Variants in UBE2E2 observed in about 807,000 individuals in gnomAD.
The protein encoded by UBE2E2 is ubiquitin-conjugating enzyme E2 E2.
Under a neutral mutation model 24.7 loss-of-function variants are expected in UBE2E2, and 6 were observed. The ratio of observed to expected loss-of-function variants is 0.24; its 90% CI spans 0.13 to 0.48. The LOEUF is 0.48. Among genes scored for constraint, UBE2E2 ranks in the 20% least tolerant of loss-of-function variants. UBE2E2 has a pLI of 0.99. For missense variants in UBE2E2, 169 were observed against 245.0 expected (o/e 0.69, Z 2.07); for synonymous variants, 104 against 83.6 (o/e 1.24, Z -1.33).
intron 3 of UBE2E2, among the ~76,000 whole-genome samples, chr3:23,268,091 G>T (rs1290485234): frequency 6.6e-6 from 1 of 151,450 alleles, no homozygotes; most frequent in Admixed American, 6.6e-5. Flanking sequence ...AAACCCACAG[G>T]CAATATCATA....
chr3:23,443,626 A>G (rs965476967), intron 3 of UBE2E2, among the ~76,000 whole-genome samples: 2 of 152,214 alleles, frequency 1.3e-5, no homozygotes, highest in Non-Finnish European at 2.9e-5. Context: ...CATAGAGTAC[A>G]AGGCAAGAAC....
intron 3 of UBE2E2, among the ~76,000 whole-genome samples, chr3:23,479,540 G>C (rs910719777): frequency 2.0e-5 from 3 of 152,070 alleles, no homozygotes; most frequent in Non-Finnish European, 4.4e-5. Context: ...GAGTTGGGGG[G>C]TAGGGGGGGT....
intron 3 of UBE2E2, among the ~76,000 whole-genome samples, chr3:23,262,628 A>G (rs1697934705): frequency 6.6e-6 from 1 of 150,932 alleles, no homozygotes. Context: ...TTTGCTATTG[A>G]GTTATATAAG....
At chr3:23,229,185 A>G (rs1575487525) in intron 3 of UBE2E2, among the ~76,000 whole-genome samples, 1 of 152,356 alleles carries the variant, frequency 6.6e-6, no homozygotes, top group South Asian at 2.1e-4. Context: ...GCTAACAGCT[A>G]TTGAATGTTT....
chr3:23,376,216 C>T lies in UBE2E2; in HGVS notation c.228-123392C>T, dbSNP rs1213363071. Among the ~76,000 whole-genome samples the T allele has an allele frequency of 2.0e-5, 3 of 152,136 alleles. No homozygotes were observed. In the East Asian group the frequency reaches 5.8e-4, roughly 29 times the overall value. On this transcript the variant is annotated intron_variant, in intron 3 of 5. Coordinates refer to ENST00000396703, the MANE Select transcript of UBE2E2 (RefSeq NM_152653.4). Reference sequence around the variant, plus strand: ...CTAACAGTATATATTGGGATACTTACCTGTTAAAATACAAGATAGATTGTG... The same window carrying T: ...CTAACAGTATATATTGGGATACTTATCTGTTAAAATACAAGATAGATTGTG...
At chr3:23,436,564 A>T (rs1446095528) in intron 3 of UBE2E2, among the ~76,000 whole-genome samples, 2 of 148,842 alleles carry the variant, frequency 1.3e-5, no homozygotes, top group African/African-American at 2.5e-5. Flanking sequence ...TTTACAGAAG[A>T]TTTTTTTTTT....
At chr3:23,220,637 C>G (rs1696606049) in intron 3 of UBE2E2, among the ~76,000 whole-genome samples, 1 of 152,172 alleles carries the variant, frequency 6.6e-6, no homozygotes, top group Admixed American at 6.6e-5. Context: ...CTTCACAGAT[C>G]CACTGATCAA....
intron 3 of UBE2E2, among the ~76,000 whole-genome samples, chr3:23,495,938 A>G (rs1474760219): frequency 6.6e-6 from 1 of 152,176 alleles, no homozygotes; most frequent in Non-Finnish European, 1.5e-5. Flanking sequence ...AAGAGAAATC[A>G]AACACTAGAA....
At chr3:23,444,149 A>G (rs907855941) in intron 3 of UBE2E2, among the ~76,000 whole-genome samples, 1 of 137,324 alleles carries the variant, frequency 7.3e-6, no homozygotes, top group African/African-American at 2.9e-5. Flanking sequence ...CTGAGCCCTT[A>G]GTTGCCTTGC....
intron 3 of UBE2E2, among the ~76,000 whole-genome samples, chr3:23,400,607 A>AAACAC (rs1553608471): frequency 2.2e-5 from 3 of 137,726 alleles, no homozygotes; most frequent in Admixed American, 7.2e-5. Context: ...GAATAAATGA[A>AAACAC]ACACACACAC....
chr3:23,534,393 C>G (rs1032364876), intron 5 of UBE2E2: 2 of 213,234 alleles, frequency 9.4e-6, no homozygotes, highest in African/African-American at 2.4e-5. Flanking sequence ...AAAAATCACT[C>G]CTAACTAAAG....
chr3:23,365,755 A>G (rs1359805177), intron 3 of UBE2E2, among the ~76,000 whole-genome samples: 1 of 152,224 alleles, frequency 6.6e-6, no homozygotes, highest in East Asian at 1.9e-4. Context: ...TAGAATTAGA[A>G]AAATTATTTT....
chr3:23,253,486 C>T (rs1413021081), intron 3 of UBE2E2, among the ~76,000 whole-genome samples: 2 of 152,164 alleles, frequency 1.3e-5, no homozygotes, highest in African/African-American at 4.8e-5. Flanking sequence ...GTACATAGTG[C>T]TGCTGAAACT....
chr3:23,492,262 T>A (rs1008914334), intron 3 of UBE2E2, among the ~76,000 whole-genome samples: 22 of 152,328 alleles, frequency 1.4e-4, no homozygotes, highest in African/African-American at 5.1e-4. Context: ...ATAGTTTGAA[T>A]GTGAACAATG....
At chr3:23,515,323 TGTGC>T (rs1694706413) in intron 4 of UBE2E2, among the ~76,000 whole-genome samples, 1 of 152,096 alleles carries the variant, frequency 6.6e-6, no homozygotes, top group Non-Finnish European at 1.5e-5. Context: ...CTCCTGCAGG[TGTGC>T]ACACACATGT....
At chr3:23,216,895 C>T (rs1356509987) in intron 2 of UBE2E2, among the ~76,000 whole-genome samples, 3 of 152,124 alleles carry the variant, frequency 2.0e-5, no homozygotes, top group Non-Finnish European at 2.9e-5. Context: ...TTGGATTTAA[C>T]TTAATATCAG....
At chr3:23,254,633 A>C (rs891499396) in intron 3 of UBE2E2, among the ~76,000 whole-genome samples, 4 of 152,198 alleles carry the variant, frequency 2.6e-5, no homozygotes, top group African/African-American at 4.8e-5. Context: ...ATTCTCATTC[A>C]AGATATTGTG....
chr3:23,262,271 A>G (rs1223482504), intron 3 of UBE2E2, among the ~76,000 whole-genome samples: 1 of 152,040 alleles, frequency 6.6e-6, no homozygotes, highest in Non-Finnish European at 1.5e-5. Context: ...ATGTGTATTC[A>G]GGGCTCTTAC....
intron 5 of UBE2E2, among the ~76,000 whole-genome samples, chr3:23,532,917 G>C (rs1012387316): frequency 6.6e-6 from 1 of 152,080 alleles, no homozygotes; most frequent in South Asian, 2.1e-4. Flanking sequence ...AAAGTATAGT[G>C]TGGTAAAAAA....
Sources: allele counts gnomAD v4.1 joint callset (sites outside exome capture counted in the v4.1 genomes callset), GRCh38; gene constraint gnomAD v4.1.1; transcripts MANE v1.5; gene names NCBI Gene and HGNC (gene_info 2026-07-23, HGNC 2026-07-21).